The following NTRK3 variants were observed in gnomAD, a reference collection of about 807,000 sequenced individuals.
NTRK3 encodes the protein neurotrophic receptor tyrosine kinase 3, also known as NT-3 growth factor receptor.
A neutral mutation model predicts 91.7 loss-of-function variants in NTRK3; 24 were observed. The observed-to-expected ratio is 0.26, with a 90% CI of 0.19 to 0.37. The LOEUF is 0.37. Ranked by LOEUF, NTRK3 falls within the 10% of genes least tolerant of loss-of-function variation. NTRK3 has a pLI of 1.00. For missense variants in NTRK3, 880 were observed against 1,068.9 expected (o/e 0.82, Z 2.46); for synonymous variants, 483 against 404.0 (o/e 1.20, Z -2.34).
At chr15:88,159,113 G>A (rs1399453721) in intron 5 of NTRK3, among the ~76,000 whole-genome samples, 3 of 152,180 alleles carry the variant, frequency 2.0e-5, no homozygotes, top group African/African-American at 7.2e-5. Flanking sequence ...GGGCAAGAGT[G>A]CTAAGCTGCT....
At chr15:88,186,479 G>A (rs558609916) in intron 3 of NTRK3, among the ~76,000 whole-genome samples, 20 of 152,202 alleles carry the variant, frequency 1.3e-4, no homozygotes, top group African/African-American at 2.9e-4. Flanking sequence ...CACCTCCTCC[G>A]TTGAGTAGGT....
chr15:88,047,193 G>A (rs1042558166), intron 13 of NTRK3, among the ~76,000 whole-genome samples: 2 of 152,214 alleles, frequency 1.3e-5, no homozygotes, highest in African/African-American at 4.8e-5. Context: ...ACATGAACTA[G>A]TAGCACGTGG....
At chr15:87,906,983 G>C (rs897330583) in intron 17 of NTRK3, among the ~76,000 whole-genome samples, 3 of 152,174 alleles carry the variant, frequency 2.0e-5, no homozygotes, top group African/African-American at 7.2e-5. Context: ...TAAAATGACT[G>C]TATGCCCCAA....
chr15:88,135,556 G>C (rs187609542), intron 9 of NTRK3, among the ~76,000 whole-genome samples, 159 bp from the exon 10 acceptor site: 14 of 152,314 alleles, frequency 9.2e-5, no homozygotes, highest in Admixed American at 3.3e-4. Flanking sequence ...GAGGGGAAGA[G>C]ATGTCTGTCT....
At chr15:88,040,348 A>G (rs903901184) in intron 13 of NTRK3, among the ~76,000 whole-genome samples, 4 of 152,358 alleles carry the variant, frequency 2.6e-5, no homozygotes, top group African/African-American at 9.6e-5. Context: ...ACAAGTCACC[A>G]TGAGGACCTG....
chr15:88,043,652 T>A (rs1441701777), intron 13 of NTRK3, among the ~76,000 whole-genome samples: 2 of 152,190 alleles, frequency 1.3e-5, no homozygotes, highest in African/African-American at 2.4e-5. Context: ...TAAGCCCAAA[T>A]GCCTCTGACT....
chr15:88,105,773 T>C (rs2050640163), intron 13 of NTRK3, among the ~76,000 whole-genome samples: 1 of 152,116 alleles, frequency 6.6e-6, no homozygotes, highest in Admixed American at 6.5e-5. Context: ...AAGCCAGTGG[T>C]GGCCACTTCC....
chr15:87,889,084 G>A (rs77771131), intron 17 of NTRK3, among the ~76,000 whole-genome samples: 4,435 of 152,254 alleles, frequency 0.029, 239 homozygotes, highest in African/African-American at 0.099. Flanking sequence ...ATGTGGCAGA[G>A]AGGGGACATG....
Position 88,097,964 on chromosome 15 carries a change from T to C in NTRK3, c.1396+28307A>G, listed in dbSNP as rs530995723. On this transcript the variant is annotated intron_variant, in intron 13 of 18. Transcript: ENST00000394480. Reference sequence around the variant, plus strand: ...TAACAGAGAACCAAGAAAACGACTATCTTCTTTAAAAAATGTGAACTGCTA... The same window carrying C: ...TAACAGAGAACCAAGAAAACGACTACCTTCTTTAAAAAATGTGAACTGCTA... Among the ~76,000 whole-genome samples, 27 of 152,354 alleles carry C rather than the reference T, an allele frequency of 1.8e-4. No homozygotes were observed. The South Asian group carries it at 5.4e-3, about 30-fold the overall frequency.
At chr15:87,912,923 TAA>T (rs71460480) in intron 17 of NTRK3, among the ~76,000 whole-genome samples, 921 of 39,174 alleles carry the variant, frequency 0.024, 19 homozygotes, top group Non-Finnish European at 0.025. Context: ...TTTCAAAAAG[TAA>T]AAAAAAATAT....
At chr15:88,178,942 T>C (rs1181245695) in intron 5 of NTRK3, among the ~76,000 whole-genome samples, 5 of 152,156 alleles carry the variant, frequency 3.3e-5, no homozygotes, top group African/African-American at 1.2e-4. Flanking sequence ...GAAAAAACGC[T>C]CCTGGGACGT....
chr15:87,972,256 A>G (rs1025770953), intron 14 of NTRK3, among the ~76,000 whole-genome samples: 12 of 152,236 alleles, frequency 7.9e-5, no homozygotes, highest in Non-Finnish European at 1.3e-4. Flanking sequence ...AAAGACAGCC[A>G]TGAAGACAAG....
intron 6 of NTRK3, among the ~76,000 whole-genome samples, chr15:88,139,211 G>C (rs1047151859): frequency 6.6e-6 from 1 of 152,294 alleles, no homozygotes; most frequent in African/African-American, 2.4e-5. Flanking sequence ...CTTGAAGCAA[G>C]TCACCTCCCC....
intron 14 of NTRK3, among the ~76,000 whole-genome samples, chr15:88,005,565 C>T (rs2076428108): frequency 6.6e-6 from 1 of 152,192 alleles, no homozygotes; most frequent in South Asian, 2.1e-4. Context: ...ACTGCCTTGA[C>T]TTGTCTCAAC....
intron 5 of NTRK3, among the ~76,000 whole-genome samples, chr15:88,159,967 C>CACACAT (rs1237640924): frequency 6.6e-6 from 1 of 151,100 alleles, no homozygotes; most frequent in Non-Finnish European, 1.5e-5. Flanking sequence ...CACACACACA[C>CACACAT]ACACACACAC....
At chr15:87,887,785 T>C (rs182934855) in intron 17 of NTRK3, among the ~76,000 whole-genome samples, 58 of 152,296 alleles carry the variant, frequency 3.8e-4, no homozygotes, top group African/African-American at 1.2e-3. Flanking sequence ...ATAGTGCTAA[T>C]TAATTAATAA....
chr15:87,938,878 G>A (rs1048673380), intron 15 of NTRK3, among the ~76,000 whole-genome samples: 5 of 152,156 alleles, frequency 3.3e-5, no homozygotes, highest in African/African-American at 1.2e-4. Context: ...GTCTATGCAG[G>A]CACACTGAGC....
At chr15:88,157,781 G>T (rs189243720) in intron 5 of NTRK3, among the ~76,000 whole-genome samples, 1 of 152,234 alleles carries the variant, frequency 6.6e-6, no homozygotes, top group East Asian at 1.9e-4. Context: ...GCCAGGACCC[G>T]GAGTCCTGGA....
intron 14 of NTRK3, among the ~76,000 whole-genome samples, chr15:87,970,720 C>T (rs772343401): frequency 5.9e-5 from 9 of 152,114 alleles, no homozygotes; most frequent in South Asian, 2.1e-4. Flanking sequence ...GGATCCTTGG[C>T]ATATCATGAG....
Sources: gnomAD v4.1 joint callset for allele counts (sites outside exome capture counted in the v4.1 genomes callset) on GRCh38, gnomAD v4.1.1 for gene constraint, MANE v1.5 for transcripts, NCBI Gene and HGNC (gene_info 2026-07-23, HGNC 2026-07-21) for gene names.